Variants in SCMH1 observed in about 807,000 individuals in gnomAD.
SCMH1 encodes the protein Scm polycomb group protein homolog 1, also known as polycomb protein SCMH1.
Under a neutral mutation model 70.8 loss-of-function variants are expected in SCMH1, and 37 were observed. The ratio of observed to expected loss-of-function variants is 0.52; its 90% confidence interval spans 0.40 to 0.69. The LOEUF is 0.69. Ranked by LOEUF, SCMH1 falls within the 30% of genes least tolerant of loss-of-function variation. The pLI is 0.00. For missense variants in SCMH1, 607 were observed against 827.3 expected, an observed-to-expected ratio of 0.73 and a Z score of 3.27; for synonymous variants, 292 against 307.4, an observed-to-expected ratio of 0.95 and a Z score of 0.52.
intron 6 of SCMH1, among the ~76,000 whole-genome samples, chr1:41,119,939 GAAATTC>G (rs1239308443): frequency 6.6e-6 from 1 of 152,080 alleles, no homozygotes; most frequent in Non-Finnish European, 1.5e-5. Flanking sequence ...AATCCCTCCA[GAAATTC>G]AAGCGTGGTG....
chr1:41,038,606 C>G (rs1234674169), intron 12 of SCMH1, among the ~76,000 whole-genome samples: 1 of 152,144 alleles, frequency 6.6e-6, no homozygotes, highest in Non-Finnish European at 1.5e-5. Flanking sequence ...AATTGCTTGG[C>G]AACTATGAGC....
intron 2 of SCMH1, among the ~76,000 whole-genome samples, chr1:41,184,274 A>G (rs1316017600): frequency 6.6e-6 from 1 of 152,152 alleles, no homozygotes; most frequent in Non-Finnish European, 1.5e-5. Context: ...ATTCCATCTC[A>G]GGTATTATTA....
intron 6 of SCMH1, among the ~76,000 whole-genome samples, chr1:41,120,105 T>A (rs1022053914): frequency 6.6e-6 from 1 of 152,130 alleles, no homozygotes; most frequent in Non-Finnish European, 1.5e-5. Context: ...CACCTTGGTA[T>A]AGGGAGGCCT....
chr1:41,062,420 A>G (rs1004189630), intron 10 of SCMH1, among the ~76,000 whole-genome samples: 6 of 151,830 alleles, frequency 4.0e-5, no homozygotes, highest in African/African-American at 1.5e-4. Context: ...CCTGACCAAC[A>G]TGTTAAAACC....
intron 1 of SCMH1, among the ~76,000 whole-genome samples, chr1:41,215,093 T>C (rs1405133265): frequency 1.3e-5 from 2 of 152,180 alleles, no homozygotes; most frequent in Non-Finnish European, 2.9e-5. Context: ...ATTATTTCCA[T>C]TTCATTAATG....
At chr1:41,028,236 C>G (rs906574754) in exon 15 of SCMH1, 1 of 1,613,948 alleles carries the variant, frequency 6.2e-7, no homozygotes, top group Non-Finnish European at 8.5e-7. Context: ...GGTAGGAGAG[C>G]TTGAGTGCAG....
chr1:41,058,247 A>C (rs1241187639), intron 10 of SCMH1, among the ~76,000 whole-genome samples: 1 of 152,050 alleles, frequency 6.6e-6, no homozygotes, highest in Non-Finnish European at 1.5e-5. Context: ...TGACTGAAGA[A>C]ATGGTCTCAA....
At chr1:41,225,320 G>T (rs879507167) in intron 1 of SCMH1, among the ~76,000 whole-genome samples, 23 of 152,180 alleles carry the variant, frequency 1.5e-4, no homozygotes, top group African/African-American at 4.6e-4. Flanking sequence ...AAAGTGGGGA[G>T]AAGTGAGCAA....
chr1:41,214,136 G>A (rs1365098872), intron 1 of SCMH1, among the ~76,000 whole-genome samples: 1 of 152,044 alleles, frequency 6.6e-6, no homozygotes, highest in Non-Finnish European at 1.5e-5. Context: ...GAGGCTCAGA[G>A]ACTAACTTAA....
chr1:41,119,651 A>G (rs1003633364), intron 6 of SCMH1, among the ~76,000 whole-genome samples: 7 of 152,164 alleles, frequency 4.6e-5, no homozygotes, highest in African/African-American at 1.7e-4. Context: ...GGAGAAGAAC[A>G]TCTTTCTTTG....
chr1:41,112,565 T>C (rs1422287957), intron 8 of SCMH1, among the ~76,000 whole-genome samples: 4 of 151,934 alleles, frequency 2.6e-5, no homozygotes, highest in African/African-American at 9.7e-5. Flanking sequence ...ATATAGCATA[T>C]TGTAATAATC....
Position 41,159,097 on chromosome 1 carries a change from T to C in SCMH1, c.106+1778A>G, listed in dbSNP as rs748907885. Among the ~76,000 whole-genome samples, 41 of 152,330 alleles carry C rather than the reference T, an allele frequency of 2.7e-4. 1 individual carries two copies. The highest frequency in any genetic ancestry group is 5.6e-4 in the Non-Finnish European group (38 of 68,030). ...AATGCTGGGCAAGGGTAGATTATTT[T>C]ATGGTCTTTTCCAACTTTGAGATTC... On this transcript the variant is annotated intron_variant, in intron 4 of 14. Transcript: ENST00000337495.
At chr1:41,149,079 C>T (rs1410867079) in intron 5 of SCMH1, among the ~76,000 whole-genome samples, 4 of 152,160 alleles carry the variant, frequency 2.6e-5, no homozygotes, top group Non-Finnish European at 4.4e-5. Context: ...GCCTGAGACA[C>T]CATGCCCAGC....
At chr1:41,040,938 C>T (rs1484285319) in intron 12 of SCMH1, among the ~76,000 whole-genome samples, 2 of 152,124 alleles carry the variant, frequency 1.3e-5, no homozygotes, top group African/African-American at 4.8e-5. Flanking sequence ...GCAATCAGAA[C>T]TGCCCAACAA....
At chr1:41,193,555 A>C (rs1652265641) in intron 1 of SCMH1, among the ~76,000 whole-genome samples, 1 of 152,002 alleles carries the variant, frequency 6.6e-6, no homozygotes, top group Non-Finnish European at 1.5e-5. Context: ...TTCATGGAGG[A>C]GATGAAGTTG....
intron 10 of SCMH1, among the ~76,000 whole-genome samples, chr1:41,069,607 A>G (rs187641268): frequency 6.6e-6 from 1 of 152,352 alleles, no homozygotes; most frequent in Admixed American, 6.5e-5. Context: ...TCAGTCTGTG[A>G]TAGCTTTTAT....
At chr1:41,210,972 G>A (rs1656874977) in intron 1 of SCMH1, among the ~76,000 whole-genome samples, 1 of 152,032 alleles carries the variant, frequency 6.6e-6, no homozygotes, top group South Asian at 2.1e-4. Context: ...ACCATGCCCA[G>A]CTAATGTTTG....
At chr1:41,208,537 C>G (rs886674802) in intron 1 of SCMH1, among the ~76,000 whole-genome samples, 1 of 151,940 alleles carries the variant, frequency 6.6e-6, no homozygotes, top group Non-Finnish European at 1.5e-5. Context: ...TCTCTCAGAC[C>G]ACAGTGTAAT....
At chr1:41,092,460 T>A (rs902022576) in intron 8 of SCMH1, among the ~76,000 whole-genome samples, 1 of 152,192 alleles carries the variant, frequency 6.6e-6, no homozygotes, top group African/African-American at 2.4e-5. Context: ...GACATAGGCA[T>A]GGGCAAGGAC....
Sources: allele counts gnomAD v4.1 joint callset (sites outside exome capture counted in the v4.1 genomes callset), GRCh38; gene constraint gnomAD v4.1.1; transcripts MANE v1.5; gene names NCBI Gene and HGNC (gene_info 2026-07-23, HGNC 2026-07-21).